The following HCN1 variants were observed in gnomAD, a reference collection of about 807,000 sequenced individuals.
The protein encoded by HCN1 is potassium/sodium hyperpolarization-activated cyclic nucleotide-gated channel 1.
A neutral mutation model predicts 78.9 loss-of-function variants in HCN1; 13 were observed. The observed-to-expected ratio is 0.16, with a 90% CI of 0.11 to 0.26. The LOEUF (loss-of-function observed/expected upper bound fraction) is 0.26, where lower values mean the gene tolerates loss of function less well. HCN1 is among the 10% of genes least tolerant of loss of function. The pLI, the probability that HCN1 is intolerant of heterozygous loss-of-function variation, is 1.00. For synonymous variants in HCN1, 552 were observed against 455.5 expected (o/e 1.21, Z -2.70); for missense variants, 810 against 1,154.3 (o/e 0.70, Z 4.32).
At chr5:45,341,699 G>C (rs6451795) in intron 5 of HCN1, among the ~76,000 whole-genome samples, 34,763 of 152,056 alleles carry the variant, frequency 0.23, 5,115 homozygotes, top group African/African-American at 0.41. Context: ...AAAGGCTGCA[G>C]TGAGCTATAG....
At chr5:45,276,588 A>G (rs181988473) in intron 6 of HCN1, among the ~76,000 whole-genome samples, 46 of 152,232 alleles carry the variant, frequency 3.0e-4, no homozygotes, top group East Asian at 2.5e-3. Flanking sequence ...GTTAACCACC[A>G]TTTTCCCTGC....
intron 2 of HCN1, among the ~76,000 whole-genome samples, chr5:45,531,278 T>A (rs550870630): frequency 1.2e-4 from 18 of 152,180 alleles, no homozygotes; most frequent in Admixed American, 2.6e-4. Context: ...GTTTCTCTAA[T>A]TTGTTCTGTT....
At chr5:45,367,621 C>A (rs1561125934) in intron 4 of HCN1, among the ~76,000 whole-genome samples, 1 of 151,824 alleles carries the variant, frequency 6.6e-6, no homozygotes, top group South Asian at 2.1e-4. Flanking sequence ...TAGTATGAAA[C>A]TAATGGTCAC....
At chr5:45,612,979 C>T (rs1305522534) in intron 2 of HCN1, among the ~76,000 whole-genome samples, 1 of 152,062 alleles carries the variant, frequency 6.6e-6, no homozygotes. Context: ...TAATTATTTA[C>T]AATACAAACG....
At chr5:45,281,870 G>A (rs1317414343) in intron 6 of HCN1, among the ~76,000 whole-genome samples, 1 of 151,922 alleles carries the variant, frequency 6.6e-6, no homozygotes, top group African/African-American at 2.4e-5. Flanking sequence ...GATTACAGGT[G>A]TGAGCCACTG....
At chr5:45,498,470 T>G (rs887758842) in intron 2 of HCN1, among the ~76,000 whole-genome samples, 1 of 152,214 alleles carries the variant, frequency 6.6e-6, no homozygotes, top group African/African-American at 2.4e-5. Context: ...TATTGGTTAT[T>G]CTAGTTATAC....
intron 2 of HCN1, among the ~76,000 whole-genome samples, chr5:45,616,754 G>A (rs1744964405): frequency 6.6e-6 from 1 of 151,988 alleles, no homozygotes; most frequent in African/African-American, 2.4e-5. Flanking sequence ...TGAAATATAT[G>A]TGTGATACAT....
chr5:45,356,754 C>A (rs184928382), intron 4 of HCN1, among the ~76,000 whole-genome samples: 46 of 152,080 alleles, frequency 3.0e-4, no homozygotes, highest in African/African-American at 1.1e-3. Context: ...TAAAAAAACT[C>A]CCTCGTTCAC....
In HCN1 at chr5:45,534,412, A is replaced by G. The variant is rs903751169; in HGVS notation, c.850-72405T>C. 3.1e-5 allele frequency among the ~76,000 whole-genome samples: 3 copies of G among 97,128 alleles called. No homozygotes were observed. The East Asian group carries it at 8.7e-4, about 28-fold the overall frequency. The allele number at this position is 97,128 out of a possible 152,430, so 63.7% of individuals were successfully genotyped here. The stretch of plus-strand genomic sequence containing the variant: ...AGAGTGAGACTGCATCTCAAAAAAA[A>G]AAAAAAAAAAAAAAAAAAAAAAAAA... On this transcript the variant is annotated intron_variant, in intron 2 of 7. Coordinates refer to ENST00000303230, the MANE Select transcript of HCN1 (RefSeq NM_021072.4).
rs545989074 is a variant in HCN1 at position 45,509,336 on chromosome 5, A to T, written c.850-47329T>A. On this transcript the variant is annotated intron_variant, in intron 2 of 7. Transcript: ENST00000303230. The stretch of plus-strand genomic sequence containing the variant: ...GTAGAGCTGTATGATAAAGTAGATG[A>T]TATGTCTTTATAAACTTACACATTT... Among the ~76,000 whole-genome samples the T allele has an allele frequency of 4.6e-5, 7 of 152,252 alleles. No homozygotes were observed. In the East Asian group the frequency reaches 1.4e-3, roughly 29 times the overall value.
At chr5:45,485,191 T>C (rs1455587690) in intron 2 of HCN1, among the ~76,000 whole-genome samples, 1 of 152,218 alleles carries the variant, frequency 6.6e-6, no homozygotes, top group East Asian at 1.9e-4. Context: ...GTTTGTATTA[T>C]AATGTAGGCG....
chr5:45,678,491 T>G (rs1739637316), intron 1 of HCN1, among the ~76,000 whole-genome samples: 1 of 151,950 alleles, frequency 6.6e-6, no homozygotes, highest in Non-Finnish European at 1.5e-5. Context: ...AACACTGACC[T>G]TTTTGTATAA....
intron 3 of HCN1, among the ~76,000 whole-genome samples, chr5:45,420,953 C>T (rs1290141892): frequency 6.6e-6 from 1 of 152,158 alleles, no homozygotes; most frequent in Non-Finnish European, 1.5e-5. Context: ...CAGTTAGATA[C>T]CCAAGAGAAA....
intron 4 of HCN1, among the ~76,000 whole-genome samples, chr5:45,365,146 C>T (rs141010754): frequency 1.1e-4 from 17 of 151,874 alleles, no homozygotes; most frequent in East Asian, 7.7e-4. Flanking sequence ...TTTTTTCATA[C>T]GATCAAATAT....
intron 3 of HCN1, among the ~76,000 whole-genome samples, chr5:45,438,400 G>A (rs541794890): frequency 6.6e-6 from 1 of 152,110 alleles, no homozygotes; most frequent in East Asian, 1.9e-4. Context: ...AGACCATACT[G>A]GCTAATACGG....
rs1579991712 is a variant in HCN1 at position 45,598,108 on chromosome 5, G to A, written c.849+47077C>T. ...ACCAAAAAAGAGCCTGCATTGCCAA[G>A]ACAATCCTAAGAAAAAAGAACAAAG... On this transcript the variant is annotated intron_variant, in intron 2 of 7. Transcript: ENST00000303230. 2.0e-5 allele frequency among the ~76,000 whole-genome samples: 3 copies of A among 152,066 alleles called. No homozygotes were observed. The South Asian group carries it at 6.2e-4, about 32-fold the overall frequency.
At position 45,452,508 on chromosome 5, in the gene HCN1, G is replaced by C. The variant is rs73101231; in HGVS notation, c.1011+9338C>G. On this transcript the variant is annotated intron_variant, in intron 3 of 7. Transcript: ENST00000303230. Reference sequence around the variant, plus strand: ...TTCTAAAAAATGATGGGGTATATAAGATAGTAAGATAGAACCCAATAGGTA... The same window carrying C: ...TTCTAAAAAATGATGGGGTATATAACATAGTAAGATAGAACCCAATAGGTA... Among the ~76,000 whole-genome samples, 1,277 of 151,518 alleles carry C rather than the reference G, an allele frequency of 8.4e-3. 23 individuals are homozygous for C. The highest frequency in any genetic ancestry group is 0.03 in the African/African-American group (1,250 of 41,318).
At chr5:45,692,282 T>C (rs923292841) in intron 1 of HCN1, among the ~76,000 whole-genome samples, 3 of 152,214 alleles carry the variant, frequency 2.0e-5, no homozygotes, top group Non-Finnish European at 2.9e-5. Flanking sequence ...TTTTAAACCT[T>C]AGTAAAATTC....
chr5:45,383,674 G>A lies in HCN1; in HGVS notation c.1230+12818C>T, dbSNP rs866118963. On this transcript the variant is annotated intron_variant, in intron 4 of 7. Transcript: ENST00000303230. ...ACAGAGGTTGCAGTGAGCTGAGATC[G>A]TGCTCACCACTGCACTCCAGCAAGG... Among the ~76,000 whole-genome samples, 7 of 151,582 alleles carry A rather than the reference G, an allele frequency of 4.6e-5. No individual in the cohort carries two copies. In the South Asian group the frequency reaches 6.2e-4, roughly 13 times the overall value.
Sources: allele counts gnomAD v4.1 joint callset (sites outside exome capture counted in the v4.1 genomes callset), GRCh38; gene constraint gnomAD v4.1.1; transcripts MANE v1.5; gene names NCBI Gene and HGNC (gene_info 2026-07-23, HGNC 2026-07-21).